Variants in USP15 observed in about 807,000 individuals in gnomAD.
USP15 encodes ubiquitin specific peptidase 15, also known as ubiquitin carboxyl-terminal hydrolase 15.
In USP15, 18 loss-of-function variants were observed where a neutral mutation model predicts 127.1. That is an observed-to-expected ratio of 0.14 (90% CI 0.10 to 0.21). The LOEUF is 0.21. USP15 is among the 10% of genes least tolerant of loss of function. The pLI is 1.00. For synonymous variants in USP15, 364 were observed against 393.7 expected (o/e 0.92, Z 0.89); for missense variants, 805 against 1,159.9 (o/e 0.69, Z 4.44).
intron 6 of USP15, among the ~76,000 whole-genome samples, chr12:62,333,095 G>C (rs1044467926): frequency 3.9e-5 from 6 of 152,128 alleles, no homozygotes; most frequent in Admixed American, 3.9e-4. Context: ...AATGGATTTG[G>C]AAATGATGCA....
At position 62,409,312 on chromosome 12, in the gene USP15, G is replaced by T. The variant is rs2067979411; in HGVS notation, c.*4937G>T. The T allele has an allele frequency of 6.6e-6, 1 of 152,018 alleles. No homozygotes were observed. The highest frequency in any genetic ancestry group is 2.4e-5 in the African/African-American group (1 of 41,400). 9.4% of individuals were successfully genotyped at this position (152,018 alleles called of 1,614,324 possible). A position where few individuals can be genotyped will look rare whatever the true frequency, so the allele number is the denominator to read the frequency against. On this transcript the variant is annotated 3_prime_UTR_variant, in exon 22 of 22. Transcript: ENST00000280377. ...AATCAGGAATTTACGTAATATATTGGACTACAGTCTCAAAGGACAGAGAGA... is the reference window on the plus strand; with the variant it reads ...AATCAGGAATTTACGTAATATATTGTACTACAGTCTCAAAGGACAGAGAGA...
chr12:62,315,892 A>G (rs568581143), intron 4 of USP15, among the ~76,000 whole-genome samples: 2 of 152,294 alleles, frequency 1.3e-5, no homozygotes, highest in South Asian at 4.1e-4. Flanking sequence ...GGTTAATCCT[A>G]ATGTTTGCAC....
chr12:62,404,121 G>T, intron 21 of USP15, 72 bp from the exon 22 acceptor site: 1 of 1,364,366 alleles, frequency 7.3e-7, no homozygotes, highest in African/African-American at 1.5e-5. Context: ...TTGGTGACCA[G>T]CTAAAAATTC....
chr12:62,345,413 G>A (rs1195656445), intron 6 of USP15, among the ~76,000 whole-genome samples: 1 of 152,146 alleles, frequency 6.6e-6, no homozygotes, highest in African/African-American at 2.4e-5. Context: ...AACAGTGTCA[G>A]CATTTTGGTC....
intron 1 of USP15, among the ~76,000 whole-genome samples, chr12:62,284,828 T>C (rs1476974885): frequency 6.6e-6 from 1 of 152,140 alleles, no homozygotes; most frequent in Non-Finnish European, 1.5e-5. Context: ...TTTTAGGTTT[T>C]TTTTTAATGC....
rs2065929915 is a variant in USP15 at position 62,350,244 on chromosome 12, C to T, written c.770+937C>T. ...AGACTAAAGCTATTTGTGAAATAAT[C>T]TTTAAAATTAAAACACCAATAATTA... On this transcript the variant is annotated intron_variant, in intron 7 of 21. Transcript: ENST00000280377. Among the ~76,000 whole-genome samples the T allele has an allele frequency of 2.6e-5, 4 of 151,752 alleles. No homozygotes were observed. The South Asian group carries it at 8.3e-4, about 31-fold the overall frequency.
At chr12:62,362,504 CTGAG>C (rs2066350815) in intron 8 of USP15, among the ~76,000 whole-genome samples, 1 of 152,080 alleles carries the variant, frequency 6.6e-6, no homozygotes, top group Non-Finnish European at 1.5e-5. Context: ...TTTTATTCTT[CTGAG>C]TATCACTGGT....
chr12:62,351,326 G>A (rs1565878970), intron 7 of USP15, among the ~76,000 whole-genome samples: 1 of 150,554 alleles, frequency 6.6e-6, no homozygotes, highest in African/African-American at 2.4e-5. Context: ...CTCGTAATTT[G>A]GTTTGTATTA....
intron 21 of USP15, among the ~76,000 whole-genome samples, chr12:62,402,584 G>C (rs1324710106): frequency 3.9e-5 from 6 of 151,974 alleles, no homozygotes. Flanking sequence ...CAAAAACAAG[G>C]AGGCATGACA....
At position 62,330,986 on chromosome 12, in the gene USP15, A is replaced by T. The variant is rs572017319; in HGVS notation, c.683+5053A>T. Among the ~76,000 whole-genome samples, 102 of 151,892 alleles carry T rather than the reference A, an allele frequency of 6.7e-4. 1 individual carries two copies. The highest frequency in any genetic ancestry group is 2.4e-3 in the African/African-American group (99 of 41,494). ...TGTTATAAGCACATGATGTTAGCTT[A>T]GGCAAATTTAACTCCAGCACAGAAC... On this transcript the variant is annotated intron_variant, in intron 6 of 21. Coordinates refer to ENST00000280377, the MANE Select transcript of USP15 (RefSeq NM_001252078.2).
At chr12:62,351,917 T>G (rs2065978601) in intron 7 of USP15, among the ~76,000 whole-genome samples, 1 of 151,902 alleles carries the variant, frequency 6.6e-6, no homozygotes, top group Non-Finnish European at 1.5e-5. Flanking sequence ...AAACTTGAAT[T>G]CTATCGTATT....
chr12:62,292,468 G>A (rs2064000817), intron 1 of USP15, among the ~76,000 whole-genome samples: 1 of 152,212 alleles, frequency 6.6e-6, no homozygotes, highest in Non-Finnish European at 1.5e-5. Context: ...GCCACTGCCA[G>A]TGGAACTGCA....
chr12:62,330,984 T>C (rs914371623), intron 6 of USP15, among the ~76,000 whole-genome samples: 3 of 150,726 alleles, frequency 2.0e-5, no homozygotes, highest in Non-Finnish European at 4.4e-5. Context: ...TGATGTTAGC[T>C]TAGGCAAATT....
intron 4 of USP15, among the ~76,000 whole-genome samples, chr12:62,319,217 C>G (rs1243000620): frequency 1.3e-5 from 2 of 152,102 alleles, no homozygotes; most frequent in Admixed American, 6.6e-5. Flanking sequence ...TACACACTTT[C>G]AAACAACCAG....
chr12:62,314,596 A>G (rs2064778164), intron 3 of USP15, among the ~76,000 whole-genome samples, 194 bp from the exon 4 acceptor site: 1 of 151,914 alleles, frequency 6.6e-6, no homozygotes, highest in South Asian at 2.1e-4. Context: ...TAAATATCAA[A>G]ATTTCCAAAA....
rs115276792 is a variant in USP15, at chr12:62,290,487, T to C, written c.90-3692T>C. Among the ~76,000 whole-genome samples, 339 of 152,300 alleles carry C rather than the reference T, an allele frequency of 2.2e-3. 5 individuals carry two copies. The highest frequency in any genetic ancestry group is 7.6e-3 in the African/African-American group (314 of 41,566). On this transcript the variant is annotated intron_variant, in intron 1 of 21. Transcript: ENST00000280377. ...TATCTTTTTGCACCCCTTTCTTCAGTCTGTAAGTTTCTTTACCACTAAGGT... is the reference window on the plus strand; with the variant it reads ...TATCTTTTTGCACCCCTTTCTTCAGCCTGTAAGTTTCTTTACCACTAAGGT...
chr12:62,293,816 T>C (rs1565825777), intron 1 of USP15, among the ~76,000 whole-genome samples: 1 of 152,226 alleles, frequency 6.6e-6, no homozygotes, highest in African/African-American at 2.4e-5. Context: ...ATAAAATTAT[T>C]TGCAAGCTTC....
chr12:62,289,410 T>G (rs2063886655), intron 1 of USP15, among the ~76,000 whole-genome samples: 1 of 152,168 alleles, frequency 6.6e-6, no homozygotes. Context: ...CTCATAGTAG[T>G]CTCTGATGAC....
intron 2 of USP15, among the ~76,000 whole-genome samples, chr12:62,295,834 A>AC (rs1465769631): frequency 6.6e-6 from 1 of 152,168 alleles, no homozygotes. Context: ...AGCAAGACTA[A>AC]CCCCCAGTGA....
Sources: allele counts gnomAD v4.1 joint callset (sites outside exome capture counted in the v4.1 genomes callset), GRCh38; gene constraint gnomAD v4.1.1; transcripts MANE v1.5; gene names NCBI Gene and HGNC (gene_info 2026-07-23, HGNC 2026-07-21).